GARIN1A: variants seen among roughly 807,000 people sequenced by gnomAD.
GARIN1A encodes Golgi-associated RAB2 interactor protein 1A.
the GARIN1A span, among the ~76,000 whole-genome samples, chr7:128,682,008 GCTCT>G: frequency 3.7e-4 from 56 of 151,448 alleles, no homozygotes; most frequent in Middle Eastern, 0.01. Flanking sequence ...ACACTTGCTT[GCTCT>G]CTCTCATACA....
chr7:128,699,967 A>G, the GARIN1A span, among the ~76,000 whole-genome samples: 2 of 151,980 alleles, frequency 1.3e-5, no homozygotes, highest in Non-Finnish European at 2.9e-5. Flanking sequence ...TTGTCTTTTT[A>G]GCAACAGTTT....
chr7:128,688,792 C>CT, the GARIN1A span, among the ~76,000 whole-genome samples: 1 of 68,244 alleles, frequency 1.5e-5, no homozygotes, highest in African/African-American at 5.4e-5. Flanking sequence ...CCCCCTCCCC[C>CT]CTCCCTCTCC....
the GARIN1A span, chr7:128,672,357 A>G: frequency 6.4e-7 from 1 of 1,558,382 alleles, no homozygotes. Flanking sequence ...GTCGGCGTGG[A>G]GCCCCAGAAA....
At chr7:128,695,404 G>T in the GARIN1A span, among the ~76,000 whole-genome samples, 2 of 152,228 alleles carry the variant, frequency 1.3e-5, no homozygotes, top group African/African-American at 2.4e-5. This position sits in a 1 kb window ranked among gnomAD's most constrained non-coding sequence, Gnocchi z 4.5. Context: ...TTCAGTGCAC[G>T]TTAGAGGAAT....
the GARIN1A span, among the ~76,000 whole-genome samples, chr7:128,708,650 G>C: frequency 6.6e-6 from 1 of 152,162 alleles, no homozygotes; most frequent in Non-Finnish European, 1.5e-5. Flanking sequence ...TGAGAACACG[G>C]ACAATATTAT....
chr7:128,691,641 C>T, the GARIN1A span: 3 of 152,284 alleles, frequency 2.0e-5, no homozygotes, highest in Non-Finnish European at 4.4e-5. Flanking sequence ...GTCGTCCCCA[C>T]TGCTCATTAT....
At chr7:128,685,604 A>G in the GARIN1A span, 1 of 152,246 alleles carries the variant, frequency 6.6e-6, no homozygotes, top group Non-Finnish European at 1.5e-5. Context: ...TGCCTCCAGT[A>G]AAATTAAAAA....
At chr7:128,704,355 A>G in the GARIN1A span, among the ~76,000 whole-genome samples, 2 of 149,050 alleles carry the variant, frequency 1.3e-5, no homozygotes, top group African/African-American at 2.5e-5. Flanking sequence ...CCTAGGCTGG[A>G]GTGCAGTGGC....
the GARIN1A span, among the ~76,000 whole-genome samples, chr7:128,693,179 A>G: frequency 2.0e-5 from 3 of 152,386 alleles, no homozygotes; most frequent in Admixed American, 2.0e-4. Context: ...AATTATGTCC[A>G]AAGAAAACAT....
the GARIN1A span, among the ~76,000 whole-genome samples, chr7:128,688,808 G>A: frequency 8.1e-5 from 5 of 62,018 alleles, no homozygotes; most frequent in Admixed American, 2.4e-4. Flanking sequence ...TCTCCCCACA[G>A]TCTCCCTCTC....
chr7:128,675,962 T>C, the GARIN1A span: 1 of 751,864 alleles, frequency 1.3e-6, no homozygotes, highest in Non-Finnish European at 2.2e-6. Flanking sequence ...CGTTCTTTAG[T>C]GCATAAACCC....
At chr7:128,672,365 A>T in the GARIN1A span, 3 of 1,583,416 alleles carry the variant, frequency 1.9e-6, no homozygotes, top group Non-Finnish European at 2.6e-6. Flanking sequence ...GGAGCCCCAG[A>T]AATGTTCCCA....
At chr7:128,692,447 G>A in the GARIN1A span, among the ~76,000 whole-genome samples, 4 of 152,180 alleles carry the variant, frequency 2.6e-5, no homozygotes, top group South Asian at 4.2e-4. Flanking sequence ...AACACCACAC[G>A]GATTGGTGAA....
the GARIN1A span, among the ~76,000 whole-genome samples, chr7:128,705,309 C>A: frequency 0.019 from 2,904 of 152,282 alleles, 44 homozygotes; most frequent in South Asian, 0.051. Flanking sequence ...TTGTTCTCAA[C>A]TGTCTTAGAC....
the GARIN1A span, among the ~76,000 whole-genome samples, chr7:128,672,772 G>A: frequency 6.6e-6 from 1 of 152,120 alleles, no homozygotes. Context: ...CTGTTCTAGG[G>A]AAATTGATTT....
the GARIN1A span, chr7:128,672,190 T>C: frequency 6.4e-5 from 32 of 497,694 alleles, no homozygotes; most frequent in African/African-American, 5.6e-4. Context: ...TCTTTTTTTT[T>C]TCCCTTTTCT....
the GARIN1A span, among the ~76,000 whole-genome samples, chr7:128,673,091 T>C: frequency 3.2e-4 from 49 of 152,178 alleles, no homozygotes; most frequent in Non-Finnish European, 6.0e-4. Context: ...GTATCAAGTC[T>C]TAACGCGGGT....
the GARIN1A span, among the ~76,000 whole-genome samples, chr7:128,694,858 A>C: frequency 6.6e-6 from 1 of 152,246 alleles, no homozygotes; most frequent in Admixed American, 6.5e-5. Context: ...AATATCATGC[A>C]TGGAGTTCTG....
chr7:128,703,135 T>C, the GARIN1A span, among the ~76,000 whole-genome samples: 1 of 152,190 alleles, frequency 6.6e-6, no homozygotes, highest in African/African-American at 2.4e-5. Context: ...GTTGATAAAA[T>C]AGGCCATAAA....
Sources: gnomAD v4.1 joint callset for allele counts (sites outside exome capture counted in the v4.1 genomes callset) on GRCh38, gnomAD v4.1.1 for gene constraint, Gnocchi (gnomAD v3.1) non-coding constraint, MANE v1.5 for transcripts, NCBI Gene and HGNC (gene_info 2026-07-23, HGNC 2026-07-21) for gene names.